ZNF343: variants seen among roughly 807,000 people sequenced by gnomAD.
The protein encoded by ZNF343 is zinc finger protein 343.
ZNF343 carries 11 observed loss-of-function variants against 13.8 expected under a neutral mutation model. The observed-to-expected ratio is 0.80, with a 90% CI of 0.50 to 1.32. The LOEUF is 1.32. Ranked by LOEUF, ZNF343 falls within the 40% of genes most tolerant of loss-of-function variation. The pLI is 0.00. For synonymous variants in ZNF343, 248 were observed against 260.0 expected, an observed-to-expected ratio of 0.95 and a Z score of 0.44; for missense variants, 658 against 714.2, an observed-to-expected ratio of 0.92 and a Z score of 0.90.
chr20:2,522,673 G>T (rs2085787584), intron 1 of ZNF343, among the ~76,000 whole-genome samples: 1 of 152,228 alleles, frequency 6.6e-6, no homozygotes, highest in Admixed American at 6.5e-5. Flanking sequence ...GTGAGGTCAG[G>T]CATGGTGGCT....
intron 5 of ZNF343, among the ~76,000 whole-genome samples, chr20:2,485,805 C>T (rs915376281): frequency 1.2e-4 from 19 of 152,170 alleles, no homozygotes; most frequent in Non-Finnish European, 2.5e-4. Context: ...TGCTGGACTG[C>T]CAGAGGAACA....
intron 1 of ZNF343, among the ~76,000 whole-genome samples, chr20:2,515,994 G>A (rs2085757556): frequency 6.6e-6 from 1 of 152,076 alleles, no homozygotes; most frequent in Non-Finnish European, 1.5e-5. Flanking sequence ...GTCAGAAAGG[G>A]GTGAATGTGA....
intron 1 of ZNF343, among the ~76,000 whole-genome samples, chr20:2,523,088 A>C (rs1454867546): frequency 2.0e-5 from 3 of 152,228 alleles, no homozygotes; most frequent in African/African-American, 7.2e-5. Context: ...CAAAACCAAA[A>C]TGGTGATGAA....
At chr20:2,493,457 G>A in intron 4 of ZNF343, 62 bp downstream of exon 4, 1 of 1,433,746 alleles carries the variant, frequency 7.0e-7, no homozygotes, top group Non-Finnish European at 9.8e-7. Flanking sequence ...GAGAATATAT[G>A]TCTATTCTCT....
rs748234345 is a variant in ZNF343, at chr20:2,484,098, T to C, written c.863A>G (p.His288Arg). Reference protein sequence around the residue: ...FKDRSTLIRHHRIHSMEKPYV... With the variant: ...FKDRSTLIRHRRIHSMEKPYV... ...AGGCTTCTCCATCGAGTGTATACGATGGTGTCTGATGAGGGTTGATCTATC... is the reference window on the plus strand; with the variant it reads ...AGGCTTCTCCATCGAGTGTATACGACGGTGTCTGATGAGGGTTGATCTATC... The change falls in exon 6 of 6, where the codon CAT becomes CGT. Residue 288 changes from histidine (H) to arginine (R), a missense_variant. Coordinates refer to ENST00000278772, the MANE Select transcript of ZNF343 (RefSeq NM_024325.6). The C allele has an allele frequency of 1.2e-6, 2 of 1,614,212 alleles. No homozygotes were observed. Among genetic ancestry groups the C allele is most frequent in the Admixed American group, 1.7e-5 (1 of 60,024 alleles).
intron 2 of ZNF343, among the ~76,000 whole-genome samples, chr20:2,494,805 G>T (rs1221303308): frequency 6.6e-6 from 1 of 151,302 alleles, no homozygotes; most frequent in Non-Finnish European, 1.5e-5. Context: ...TCCCTGTATT[G>T]TGAGGAGTTT....
upstream of ZNF343, among the ~76,000 whole-genome samples, chr20:2,512,251 C>G (rs1390672967): frequency 6.6e-6 from 1 of 152,184 alleles, no homozygotes. Context: ...TTCCTCAAAG[C>G]AATCTACAGA....
At position 2,483,575 on chromosome 20, in the gene ZNF343, C is replaced by T. The variant is rs2085215259; in HGVS notation, c.1386G>A (p.Glu462=). Residue 462 remains glutamate (E), a synonymous_variant, in exon 6 of 6, where the codon GAG becomes GAA. Coordinates refer to ENST00000278772, the MANE Select transcript of ZNF343 (RefSeq NM_024325.6). ...CACACTCACCACACACATAAGGCTTCTCTCCAGAGTGCGTCCGCTCGTGTA... is the reference window on the plus strand; with the variant it reads ...CACACTCACCACACACATAAGGCTTTTCTCCAGAGTGCGTCCGCTCGTGTA... ...LIIHERTHSG[E]KPYVCGECGR... The T allele has an allele frequency of 6.2e-7, 1 of 1,613,270 alleles. No individual in the cohort carries two copies. The highest frequency in any genetic ancestry group is 1.3e-5 in the African/African-American group (1 of 74,656).
chr20:2,497,885 T>C (rs752598238), intron 2 of ZNF343, among the ~76,000 whole-genome samples: 1 of 151,584 alleles, frequency 6.6e-6, no homozygotes, highest in African/African-American at 2.4e-5. Flanking sequence ...CCCGGCTCCT[T>C]CATATGGCTC....
chr20:2,523,677 C>CTTTTTTTTTTTTTTTTTTTTTTTTT (rs3051730), intron 1 of ZNF343, among the ~76,000 whole-genome samples: 1 of 102,790 alleles, frequency 9.7e-6, no homozygotes, highest in African/African-American at 3.9e-5. Flanking sequence ...GCTATGTGTA[C>CTTTTTTTTTTTTTTTTTTTTTTTTT]TTTTTTTTTT....
At chr20:2,487,715 C>A (rs1568475562) in intron 5 of ZNF343, among the ~76,000 whole-genome samples, 1 of 152,210 alleles carries the variant, frequency 6.6e-6, no homozygotes, top group Admixed American at 6.5e-5. Context: ...AAAGCATATG[C>A]ATATATAGTT....
chr20:2,507,256 CTG>C (rs1461332825), intron 1 of ZNF343, among the ~76,000 whole-genome samples: 1 of 136,092 alleles, frequency 7.3e-6, no homozygotes. Flanking sequence ...AAGAGTGAAA[CTG>C]TGTCTCAAAA....
At chr20:2,494,998 G>A (rs1425544776) in intron 2 of ZNF343, among the ~76,000 whole-genome samples, 1 of 152,164 alleles carries the variant, frequency 6.6e-6, no homozygotes, top group Non-Finnish European at 1.5e-5. Context: ...TCCCAAAGAA[G>A]GCAGGTGGTA....
At chr20:2,510,388 TCTC>T (rs550851773), upstream of ZNF343, among the ~76,000 whole-genome samples, 675 of 152,340 alleles carry the variant, frequency 4.4e-3, 2 homozygotes, top group African/African-American at 0.015. Context: ...ATAAAACTGT[TCTC>T]CTTCTTTTCT....
intron 1 of ZNF343, among the ~76,000 whole-genome samples, chr20:2,503,969 C>A (rs2085612224): frequency 6.6e-6 from 1 of 152,164 alleles, no homozygotes; most frequent in Non-Finnish European, 1.5e-5. Context: ...CAGAGCAGAA[C>A]TGACGGAAAT....
At chr20:2,504,687 C>A (rs1308364209) in intron 1 of ZNF343, among the ~76,000 whole-genome samples, 2 of 152,106 alleles carry the variant, frequency 1.3e-5, no homozygotes, top group Non-Finnish European at 2.9e-5. Context: ...ATAAACAGAA[C>A]CAACGACAAA....
At chr20:2,515,494 C>T (rs1409629645) in intron 1 of ZNF343, among the ~76,000 whole-genome samples, 1 of 152,170 alleles carries the variant, frequency 6.6e-6, no homozygotes, top group Non-Finnish European at 1.5e-5. Context: ...AAAAAATATT[C>T]CAAAAGCATT....
At position 2,483,077 on chromosome 20, in the gene ZNF343, C is replaced by A; in HGVS notation, c.*84G>T. On this transcript the variant is annotated 3_prime_UTR_variant, in exon 6 of 6. Coordinates refer to ENST00000278772, the MANE Select transcript of ZNF343 (RefSeq NM_024325.6). The stretch of plus-strand genomic sequence containing the variant: ...CAATCTGTGTACACAGGGTCTACTC[C>A]CCATGTGTCTCTCTGGGGTAACATG... 1 of 1,460,972 alleles carries A rather than the reference C, an allele frequency of 6.8e-7. No homozygotes were observed. The highest frequency in any genetic ancestry group is 9.3e-7 in the Non-Finnish European group (1 of 1,080,224). 90.5% of individuals were successfully genotyped at this position (1,460,972 alleles called of 1,614,324 possible). A position where few individuals can be genotyped will look rare whatever the true frequency, so the allele number is the denominator to read the frequency against.
chr20:2,501,119 G>A (rs142930123), intron 1 of ZNF343, among the ~76,000 whole-genome samples: 12 of 152,140 alleles, frequency 7.9e-5, no homozygotes, highest in Admixed American at 4.6e-4. Flanking sequence ...CTAATACTGC[G>A]CTTTTCCAAT....
Sources: allele counts gnomAD v4.1 joint callset (sites outside exome capture counted in the v4.1 genomes callset), GRCh38; gene constraint gnomAD v4.1.1; transcripts MANE v1.5; gene names NCBI Gene and HGNC (gene_info 2026-07-23, HGNC 2026-07-21).